The following RNF150 variants were observed in gnomAD, a reference collection of about 807,000 sequenced individuals.
The protein encoded by RNF150 is ring finger protein 150.
In RNF150, 24 loss-of-function variants were observed where a neutral mutation model predicts 39.3. The ratio of observed to expected loss-of-function variants is 0.61; its 90% CI spans 0.44 to 0.86. RNF150 has a LOEUF of 0.86. Ranked by LOEUF, RNF150 falls within the 40% of genes least tolerant of loss-of-function variation. RNF150 has a pLI of 0.00. For missense variants in RNF150, 502 were observed against 587.8 expected, an observed-to-expected ratio of 0.85 and a Z score of 1.51; for synonymous variants, 255 against 227.3, an observed-to-expected ratio of 1.12 and a Z score of -1.10.
chr4:141,199,526 A>C (rs781059006), intron 1 of RNF150, among the ~76,000 whole-genome samples: 14 of 152,224 alleles, frequency 9.2e-5, no homozygotes, highest in Non-Finnish European at 1.8e-4. Flanking sequence ...CAGTAGAAAC[A>C]CGCTACTGGT....
chr4:141,063,294 A>G (rs1737312526), intron 1 of RNF150, among the ~76,000 whole-genome samples: 1 of 152,226 alleles, frequency 6.6e-6, no homozygotes, highest in South Asian at 2.1e-4. Flanking sequence ...GATATAAATA[A>G]ACAAAATTTC....
intron 4 of RNF150, among the ~76,000 whole-genome samples, chr4:140,939,711 G>A (rs574895144): frequency 6.6e-6 from 1 of 150,770 alleles, no homozygotes; most frequent in South Asian, 2.1e-4. Context: ...TTTGTGTTAC[G>A]GCTTTTGAGT....
intron 1 of RNF150, among the ~76,000 whole-genome samples, chr4:141,109,416 C>A (rs961725021): frequency 6.6e-6 from 1 of 151,756 alleles, no homozygotes; most frequent in Non-Finnish European, 1.5e-5. Context: ...GCCTTCATAT[C>A]ATTTTAAGTA....
At chr4:141,056,469 G>A (rs993077125) in intron 1 of RNF150, among the ~76,000 whole-genome samples, 4 of 152,028 alleles carry the variant, frequency 2.6e-5, no homozygotes, top group African/African-American at 9.7e-5. Flanking sequence ...TGAGGGGCAG[G>A]GGTGTGGGCT....
At chr4:140,967,408 T>C (rs1579012047) in intron 2 of RNF150, among the ~76,000 whole-genome samples, 1 of 152,228 alleles carries the variant, frequency 6.6e-6, no homozygotes, top group East Asian at 1.9e-4. Context: ...AATGGGAATG[T>C]AGGACAAATC....
chr4:141,127,411 A>G (rs920407673), intron 1 of RNF150, among the ~76,000 whole-genome samples: 1 of 152,234 alleles, frequency 6.6e-6, no homozygotes, highest in Non-Finnish European at 1.5e-5. Flanking sequence ...GTACACATAA[A>G]TATTCTAGAA....
chr4:140,988,868 C>G (rs965798585), intron 1 of RNF150, among the ~76,000 whole-genome samples: 1 of 152,122 alleles, frequency 6.6e-6, no homozygotes, highest in African/African-American at 2.4e-5. Context: ...ATGGATGAAG[C>G]TGGAAACCAT....
At chr4:141,070,110 G>A (rs1202131041) in intron 1 of RNF150, among the ~76,000 whole-genome samples, 2 of 152,052 alleles carry the variant, frequency 1.3e-5, no homozygotes, top group African/African-American at 4.8e-5. Context: ...TGACAAACCT[G>A]AGAAAAACAA....
At chr4:140,954,979 T>C (rs1732694497) in intron 2 of RNF150, among the ~76,000 whole-genome samples, 1 of 152,210 alleles carries the variant, frequency 6.6e-6, no homozygotes, top group South Asian at 2.1e-4. Flanking sequence ...TCATGTTCAT[T>C]GTCATCATCA....
intron 1 of RNF150, among the ~76,000 whole-genome samples, chr4:140,986,285 G>T (rs1161338661): frequency 1.3e-5 from 2 of 151,926 alleles, no homozygotes; most frequent in African/African-American, 2.4e-5. Context: ...TACTACAAGG[G>T]GGTTACACAA....
At chr4:140,935,364 A>T (rs1731823425) in intron 4 of RNF150, among the ~76,000 whole-genome samples, 1 of 151,898 alleles carries the variant, frequency 6.6e-6, no homozygotes, top group African/African-American at 2.4e-5. Context: ...TGTGCTTAGA[A>T]CTTAACTCTG....
intron 1 of RNF150, among the ~76,000 whole-genome samples, chr4:141,012,117 T>A (rs753037481): frequency 6.6e-6 from 1 of 152,248 alleles, no homozygotes; most frequent in African/African-American, 2.4e-5. Flanking sequence ...AAATAAAGAA[T>A]CTTTTCTTTC....
intron 1 of RNF150, among the ~76,000 whole-genome samples, chr4:141,076,286 G>C (rs1166219077): frequency 6.6e-6 from 1 of 151,998 alleles, no homozygotes; most frequent in African/African-American, 2.4e-5. Flanking sequence ...CCTTGAGTTA[G>C]GCATATTTCC....
Position 141,132,781 on chromosome 4 carries a change from A to T in RNF150, c.28T>A (p.Cys10Ser), listed in dbSNP as rs1726935641. 1.9e-6 allele frequency: 3 copies of T among 1,609,694 alleles called. No homozygotes were observed. Among genetic ancestry groups the T allele is most frequent in the Non-Finnish European group, 2.5e-6 (3 of 1,178,180 alleles). Residue 10 changes from cysteine to serine, a missense_variant, in exon 1 of 7, where the codon TGC (cysteine) becomes AGC (serine). By Grantham distance (112) the Cys-to-Ser change is moderately radical. Coordinates refer to ENST00000515673, the MANE Select transcript of RNF150 (RefSeq NM_020724.2). The surrounding 1 kb of genome is among the most constrained non-coding windows in gnomAD (Gnocchi z 4.9). ...AGCCATGTTGAGAGAGCCAGACTGC[A>T]GCACGCTTGGATGAGAGACATTGCC... Reference protein sequence around the residue: MAMSLIQACCSLALSTWLLS... With the variant: MAMSLIQACSSLALSTWLLS...
chr4:141,198,843 T>C (rs935334236), intron 1 of RNF150, among the ~76,000 whole-genome samples: 10 of 152,222 alleles, frequency 6.6e-5, no homozygotes, highest in African/African-American at 2.4e-4. Flanking sequence ...AGTAGGCTTT[T>C]ACAACACCAA....
At chr4:141,049,501 C>T (rs138976555) in intron 1 of RNF150, among the ~76,000 whole-genome samples, 21 of 151,292 alleles carry the variant, frequency 1.4e-4, no homozygotes, top group East Asian at 3.9e-4. Flanking sequence ...AGTGGGTAAA[C>T]GGTTAGGAAA....
intron 5 of RNF150, among the ~76,000 whole-genome samples, chr4:140,918,987 C>T (rs148458823): frequency 0.021 from 3,154 of 152,082 alleles, 125 homozygotes; most frequent in African/African-American, 0.071. Flanking sequence ...ATTCAACAAC[C>T]ATTCATGCTA....
At chr4:141,031,774 G>C (rs980373079) in intron 1 of RNF150, among the ~76,000 whole-genome samples, 2 of 152,080 alleles carry the variant, frequency 1.3e-5, no homozygotes, top group Admixed American at 1.3e-4. Flanking sequence ...TGTGGAGAAA[G>C]GGAGAACCCT....
intron 1 of RNF150, among the ~76,000 whole-genome samples, chr4:141,015,701 G>A (rs1735244471): frequency 6.6e-6 from 1 of 152,108 alleles, no homozygotes; most frequent in South Asian, 2.1e-4. Context: ...AGCAAATAGA[G>A]ACAATTTTCC....
Sources: gnomAD v4.1 joint callset for allele counts (sites outside exome capture counted in the v4.1 genomes callset) on GRCh38, gnomAD v4.1.1 for gene constraint, Gnocchi (gnomAD v3.1) non-coding constraint, MANE v1.5 for transcripts, NCBI Gene and HGNC (gene_info 2026-07-23, HGNC 2026-07-21) for gene names.